Variants in SLC6A2 observed in about 807,000 individuals in gnomAD.
SLC6A2 encodes sodium-dependent noradrenaline transporter.
In SLC6A2, 26 loss-of-function variants were observed where a neutral mutation model predicts 71.7. That is an observed-to-expected ratio of 0.36 (90% CI 0.27 to 0.50). The LOEUF is 0.50. SLC6A2 is among the 20% of genes least tolerant of loss of function. The probability of loss-of-function intolerance (pLI) is 0.96; values close to 1 mark genes in which losing one functional copy is unlikely to be tolerated. For synonymous variants in SLC6A2, 363 were observed against 337.9 expected (o/e 1.07, Z -0.82); for missense variants, 581 against 803.9 (o/e 0.72, Z 3.35).
rs1471035059 is a variant in SLC6A2, at chr16:55,702,453, T to C, written c.*107T>C. On this transcript the variant is annotated 3_prime_UTR_variant, in exon 15 of 15. Coordinates refer to ENST00000568943, the MANE Select transcript of SLC6A2 (RefSeq NM_001172501.3). Reference sequence around the variant, plus strand: ...CTTGGGATTCCTCCCCTGGAAGTTGTCCTTTCTGATCCTCTCTTCTTTTCC... The same window carrying C: ...CTTGGGATTCCTCCCCTGGAAGTTGCCCTTTCTGATCCTCTCTTCTTTTCC... 6.3e-7 allele frequency: 1 copy of C among 1,598,404 alleles called. No individual in the cohort carries two copies. Among genetic ancestry groups the C allele is most frequent in the Non-Finnish European group, 8.5e-7 (1 of 1,171,952 alleles).
rs1055372903 is a variant in SLC6A2 at position 55,702,949 on chromosome 16, A to G, written c.*603A>G. ...ATGCTTTGAGGGATTTTGAGTAGAA[A>G]CATTCATAGTTAATTTTCACTCTGG... On this transcript the variant is annotated 3_prime_UTR_variant, in exon 15 of 15. Transcript: ENST00000568943. 1 of 988,488 alleles carries G rather than the reference A, an allele frequency of 1.0e-6. No homozygotes were observed. Among genetic ancestry groups the G allele is most frequent in the Middle Eastern group, 5.2e-4 (1 of 1,916 alleles). 61.2% of individuals were successfully genotyped at this position (988,488 alleles called of 1,614,324 possible).
At chr16:55,698,978 T>A (rs1367577506) in intron 11 of SLC6A2, among the ~76,000 whole-genome samples, 1 of 152,252 alleles carries the variant, frequency 6.6e-6, no homozygotes, top group East Asian at 1.9e-4. Flanking sequence ...ATTATTTATG[T>A]GAAATTCAAA....
At chr16:55,666,709 G>T (rs1247984316) in intron 2 of SLC6A2, among the ~76,000 whole-genome samples, 2 of 152,176 alleles carry the variant, frequency 1.3e-5, no homozygotes, top group African/African-American at 4.8e-5. Flanking sequence ...AGCAGAGGAA[G>T]AATAACTCCA....
At chr16:55,670,919 A>C (rs182340533) in intron 3 of SLC6A2, among the ~76,000 whole-genome samples, 17 of 152,352 alleles carry the variant, frequency 1.1e-4, no homozygotes, top group African/African-American at 4.1e-4. Flanking sequence ...TAATTCCTTG[A>C]AAAGCAATGT....
At chr16:55,657,297 G>A (rs1464904713) in intron 2 of SLC6A2, among the ~76,000 whole-genome samples, 1 of 152,138 alleles carries the variant, frequency 6.6e-6, no homozygotes, top group African/African-American at 2.4e-5. Flanking sequence ...CAGAATCTGG[G>A]GTGCCAGGTT....
rs1965927944 is a variant in SLC6A2, at chr16:55,700,213, C to T, written c.1665C>T (p.Asn555=). The change falls in exon 13 of 15, where the codon AAC becomes AAT. Residue 555 remains asparagine, a synonymous_variant. Coordinates refer to ENST00000568943, the MANE Select transcript of SLC6A2 (RefSeq NM_001172501.3). ...ACTACATCTTCCCGCCCTGGGCCAA[C>T]TGGGTGGGGTGGGGCATCGCCCTGT... ...YDDYIFPPWA[N]WVGWGIALSS... is the part of the protein sequence containing the mutation. 1 of 1,614,100 alleles carries T rather than the reference C, an allele frequency of 6.2e-7. No individual in the cohort carries two copies. Among genetic ancestry groups the T allele is most frequent in the Non-Finnish European group, 8.5e-7 (1 of 1,179,998 alleles).
chr16:55,702,194 T>C, intron 14 of SLC6A2, 129 bp from the exon 15 acceptor site: 1 of 957,990 alleles, frequency 1.0e-6, no homozygotes, highest in Middle Eastern at 2.1e-4. Flanking sequence ...AACTTGCACG[T>C]TCCCTGAGGT....
chr16:55,703,368 T>C lies in SLC6A2; in HGVS notation c.*1022T>C, dbSNP rs752871758. ...CACCTGCACAGCCTCCCTCTGGGGA[T>C]CCCACCTGGAGTGGACCAGGGGTCT... On this transcript the variant is annotated 3_prime_UTR_variant, in exon 15 of 15. Transcript: ENST00000568943. 8.1e-6 allele frequency: 8 copies of C among 985,454 alleles called. No individual in the cohort carries two copies. In the South Asian group the frequency reaches 3.8e-4, roughly 46 times the overall value. The allele number at this position is 985,454 out of a possible 1,614,324, so 61.0% of individuals were successfully genotyped here.
intron 4 of SLC6A2, 31 bp downstream of exon 4, chr16:55,672,206 T>G (rs916951802): frequency 6.2e-7 from 1 of 1,614,142 alleles, no homozygotes; most frequent in Non-Finnish European, 8.5e-7. Flanking sequence ...GCTGGGCCTG[T>G]TGAGGCCAGT....
chr16:55,702,758 A>AC lies in SLC6A2; in HGVS notation c.*412_*413insC. The AC allele has an allele frequency of 2.9e-6, 3 of 1,050,210 alleles. No individual in the cohort carries two copies. The highest frequency in any genetic ancestry group is 4.9e-5 in the Admixed American group (1 of 20,332). 65.1% of individuals were successfully genotyped at this position (1,050,210 alleles called of 1,614,324 possible). A position where few individuals can be genotyped will look rare whatever the true frequency, so the allele number is the denominator to read the frequency against. On this transcript the variant is annotated 3_prime_UTR_variant, in exon 15 of 15. Transcript: ENST00000568943. ...TCAGATACCCCTCCCAAAAAAAAAAAAAACTAAAACTAAAGCAAAAATCAA... is the reference window on the plus strand; with the variant it reads ...TCAGATACCCCTCCCAAAAAAAAAAACAAACTAAAACTAAAGCAAAAATCAA...
intron 8 of SLC6A2, 28 bp downstream of exon 8, chr16:55,695,430 G>A: frequency 6.2e-7 from 1 of 1,613,576 alleles, no homozygotes; most frequent in Non-Finnish European, 8.5e-7. Flanking sequence ...CTGGGCCCCA[G>A]CCCACTGAGG....
chr16:55,691,246 A>G (rs1254217372), intron 5 of SLC6A2, among the ~76,000 whole-genome samples: 18 of 108,742 alleles, frequency 1.7e-4, no homozygotes, highest in African/African-American at 5.9e-4. Context: ...AGAGAGAGAG[A>G]GAGAGAGAGA....
chr16:55,689,797 G>A (rs984604679), intron 5 of SLC6A2, among the ~76,000 whole-genome samples: 32 of 152,102 alleles, frequency 2.1e-4, no homozygotes, highest in African/African-American at 7.7e-4. Flanking sequence ...TCCTGTTCTT[G>A]CCTCCCTGAA....
chr16:55,668,634 C>T (rs1343693961), intron 2 of SLC6A2, among the ~76,000 whole-genome samples: 1 of 152,164 alleles, frequency 6.6e-6, no homozygotes, highest in Non-Finnish European at 1.5e-5. Context: ...AGTCACCTCG[C>T]AGAGTCAGAA....
chr16:55,666,345 G>A (rs1249531729), intron 2 of SLC6A2, among the ~76,000 whole-genome samples: 1 of 152,176 alleles, frequency 6.6e-6, no homozygotes, highest in Non-Finnish European at 1.5e-5. Context: ...CTGCAGAGCT[G>A]TTTATAAAAG....
At chr16:55,688,292 G>A in intron 5 of SLC6A2, among the ~76,000 whole-genome samples, 1 of 152,222 alleles carries the variant, frequency 6.6e-6, no homozygotes, top group East Asian at 1.9e-4. Context: ...GTCTTGGCAA[G>A]TGAAGGTTGT....
chr16:55,685,662 G>A (rs1186039111), intron 5 of SLC6A2, among the ~76,000 whole-genome samples: 4 of 152,168 alleles, frequency 2.6e-5, no homozygotes, highest in Admixed American at 2.6e-4. Context: ...TCATGCAAAT[G>A]TTGCATCCTA....
rs752124346 is a variant in SLC6A2 at position 55,702,385 on chromosome 16, T to G, written c.*39T>G. 4.3e-6 allele frequency: 7 copies of G among 1,614,152 alleles called. No homozygotes were observed. In the Admixed American group the frequency reaches 1.2e-4, roughly 27 times the overall value. The stretch of plus-strand genomic sequence containing the variant: ...AGAAGGAGGAACCCCCATGCCAATG[T>G]CCAGGTCACAGGCATCCGCTGCGCT... On this transcript the variant is annotated 3_prime_UTR_variant, in exon 15 of 15. Coordinates refer to ENST00000568943, the MANE Select transcript of SLC6A2 (RefSeq NM_001172501.3).
chr16:55,686,731 C>T (rs1188176036), intron 5 of SLC6A2, among the ~76,000 whole-genome samples: 1 of 152,170 alleles, frequency 6.6e-6, no homozygotes, highest in Non-Finnish European at 1.5e-5. Context: ...AGAGAACTTC[C>T]TATCAGCATG....
Sources: gnomAD v4.1 joint callset for allele counts (sites outside exome capture counted in the v4.1 genomes callset) on GRCh38, gnomAD v4.1.1 for gene constraint, MANE v1.5 for transcripts, NCBI Gene and HGNC (gene_info 2026-07-23, HGNC 2026-07-21) for gene names.